RNLS: variants seen among roughly 807,000 people sequenced by gnomAD.
RNLS encodes the protein renalase.
Under a neutral mutation model 39.8 loss-of-function variants are expected in RNLS, and 39 were observed. The ratio of observed to expected loss-of-function variants is 0.98; its 90% confidence interval spans 0.76 to 1.28. RNLS has a LOEUF of 1.28. Ranked by LOEUF, RNLS falls within the 50% of genes most tolerant of loss-of-function variation. The probability of loss-of-function intolerance (pLI) is 0.00; values close to 1 mark genes in which losing one functional copy is unlikely to be tolerated. For synonymous variants in RNLS, 147 were observed against 150.7 expected, an observed-to-expected ratio of 0.98 and a Z score of 0.18; for missense variants, 410 against 413.3, an observed-to-expected ratio of 0.99 and a Z score of 0.07.
At chr10:88,211,793 G>A in the RNLS span, among the ~76,000 whole-genome samples, 1 of 152,148 alleles carries the variant, frequency 6.6e-6, no homozygotes, top group Admixed American at 6.6e-5. Flanking sequence ...GGTCAATGAA[G>A]GACTGCTGTA....
At chr10:88,576,665 T>C (rs910165038) in intron 3 of RNLS, among the ~76,000 whole-genome samples, 1 of 152,096 alleles carries the variant, frequency 6.6e-6, no homozygotes, top group African/African-American at 2.4e-5. Context: ...CTGGGAGAAA[T>C]TTTGAGACAG....
rs1272415640 is a variant in RNLS, at chr10:88,284,801, C to G, written c.*553G>C. The G allele has an allele frequency of 2.0e-6, 2 of 985,170 alleles. No homozygotes were observed. The highest frequency in any genetic ancestry group is 2.3e-4 in the East Asian group (2 of 8,822). The allele number at this position is 985,170 out of a possible 1,614,324, so 61.0% of individuals were successfully genotyped here. On this transcript the variant is annotated 3_prime_UTR_variant, in exon 7 of 7. Transcript: ENST00000331772. ...TTTATCAGTCAAGTTGCCCTCCACA[C>G]TAAGATGATGACATATATGACCTAC...
At chr10:88,384,664 A>T (rs1851757510) in intron 4 of RNLS, among the ~76,000 whole-genome samples, 1 of 152,242 alleles carries the variant, frequency 6.6e-6, no homozygotes. Flanking sequence ...TGGAGTAGTC[A>T]GAAATGGCCT....
At chr10:88,471,997 C>A (rs1223270925) in intron 4 of RNLS, among the ~76,000 whole-genome samples, 1 of 152,104 alleles carries the variant, frequency 6.6e-6, no homozygotes, top group Non-Finnish European at 1.5e-5. Context: ...ATAAATTTAT[C>A]TGTACAGCAT....
At chr10:88,207,107 G>T in the RNLS span, among the ~76,000 whole-genome samples, 1 of 152,100 alleles carries the variant, frequency 6.6e-6, no homozygotes, top group South Asian at 2.1e-4. Flanking sequence ...AAATCTTTAT[G>T]ACCTTGGATT....
In RNLS at chr10:88,583,207, G is replaced by A. The variant is rs758325836; in HGVS notation, c.-17C>T. On this transcript the variant is annotated 5_prime_UTR_variant, in exon 1 of 7. Transcript: ENST00000331772. ...CTGCGCCATGGCGAGAGGGAGCAGC[G>A]ATCCGCGCTGAGTCTCTGCGGCGGG... 1.3e-5 allele frequency: 21 copies of A among 1,613,140 alleles called. No individual in the cohort carries two copies. The Admixed American group carries it at 1.7e-4, about 13-fold the overall frequency.
rs527347941 is a variant in RNLS, at chr10:88,552,368, T to C, written c.526+20535A>G. ...AGCTCCTTAAGAACTAGGCTAGGTC[T>C]CATTAAAGGATGGAAGCCCAGACTC... On this transcript the variant is annotated intron_variant, in intron 4 of 6. Transcript: ENST00000331772. Among the ~76,000 whole-genome samples, 3 of 152,278 alleles carry C rather than the reference T, an allele frequency of 2.0e-5. No homozygotes were observed. In the East Asian group the frequency reaches 5.8e-4, roughly 29 times the overall value.
chr10:88,250,922 G>A, the RNLS span, among the ~76,000 whole-genome samples: 4 of 152,120 alleles, frequency 2.6e-5, no homozygotes, highest in African/African-American at 4.8e-5. Context: ...CACAATAATC[G>A]AATGAAATAA....
At chr10:88,549,531 A>G (rs926379951) in intron 4 of RNLS, among the ~76,000 whole-genome samples, 2 of 152,160 alleles carry the variant, frequency 1.3e-5, no homozygotes, top group African/African-American at 4.8e-5. Flanking sequence ...GTGCTACTAC[A>G]CTCTAGCTTG....
chr10:88,298,201 G>A (rs1045588976), intron 6 of RNLS, among the ~76,000 whole-genome samples: 4 of 151,052 alleles, frequency 2.6e-5, no homozygotes, highest in African/African-American at 4.9e-5. Flanking sequence ...ATTTTTTGCT[G>A]TTGTAAGAGT....
intron 6 of RNLS, among the ~76,000 whole-genome samples, chr10:88,288,527 T>C (rs969111514): frequency 1.3e-5 from 2 of 152,166 alleles, no homozygotes; most frequent in African/African-American, 2.4e-5. Flanking sequence ...TGCATATACA[T>C]AAATCTCCAT....
intron 4 of RNLS, among the ~76,000 whole-genome samples, chr10:88,563,273 G>C (rs927714851): frequency 1.3e-5 from 2 of 151,954 alleles, no homozygotes; most frequent in Non-Finnish European, 2.9e-5. Context: ...AAATCAAGCG[G>C]GCTTTATTCT....
At chr10:88,511,031 A>T (rs949052888) in intron 4 of RNLS, among the ~76,000 whole-genome samples, 2 of 126,614 alleles carry the variant, frequency 1.6e-5, no homozygotes, top group Non-Finnish European at 3.5e-5. Flanking sequence ...GAAAAAAAAA[A>T]AAACCAAAAA....
At chr10:88,438,630 C>A (rs1487822548) in intron 4 of RNLS, among the ~76,000 whole-genome samples, 3 of 152,190 alleles carry the variant, frequency 2.0e-5, no homozygotes, top group African/African-American at 7.2e-5. Context: ...TCGAGAACCA[C>A]AGAATGGGTG....
rs561118691 is a variant in RNLS, at chr10:88,451,487, C to A, written c.527-88762G>T. Among the ~76,000 whole-genome samples, 16 of 152,266 alleles carry A rather than the reference C, an allele frequency of 1.1e-4. No homozygotes were observed. The South Asian group carries it at 3.1e-3, about 30-fold the overall frequency. The stretch of plus-strand genomic sequence containing the variant: ...TGGAAATGTCAAAGAGAGAAGGGAG[C>A]CCCACTGAGCAATGCAGCCAAAGAA... On this transcript the variant is annotated intron_variant, in intron 4 of 6. Coordinates refer to ENST00000331772, the MANE Select transcript of RNLS (RefSeq NM_001031709.3).
At chr10:88,533,453 T>C (rs762705427) in intron 4 of RNLS, among the ~76,000 whole-genome samples, 1 of 152,172 alleles carries the variant, frequency 6.6e-6, no homozygotes, top group Non-Finnish European at 1.5e-5. Context: ...AAGAAATACT[T>C]TGATTTGACC....
chr10:88,309,552 A>G, intron 6 of RNLS: 1 of 889,390 alleles, frequency 1.1e-6, no homozygotes, highest in South Asian at 1.4e-5. Flanking sequence ...TCCTAGCAGT[A>G]CTATGGGTAA....
intron 5 of RNLS, among the ~76,000 whole-genome samples, chr10:88,361,108 C>G (rs939579476): frequency 2.0e-5 from 3 of 152,204 alleles, no homozygotes; most frequent in Non-Finnish European, 2.9e-5. Context: ...TATGTCCTCA[C>G]ATGGTGTGTG....
chr10:88,283,796 T>A (rs529062101), downstream of RNLS, among the ~76,000 whole-genome samples: 4 of 151,828 alleles, frequency 2.6e-5, no homozygotes, highest in East Asian at 7.8e-4. Flanking sequence ...CAACAGAAAG[T>A]GGGGCCTACC....
Sources: allele counts gnomAD v4.1 joint callset (sites outside exome capture counted in the v4.1 genomes callset), GRCh38; gene constraint gnomAD v4.1.1; transcripts MANE v1.5; gene names NCBI Gene and HGNC (gene_info 2026-07-23, HGNC 2026-07-21).